Variants in CACNB2 observed in about 807,000 individuals in gnomAD.
CACNB2 encodes calcium voltage-gated channel auxiliary subunit beta 2.
CACNB2 carries 42 observed loss-of-function variants against 73.3 expected under a neutral mutation model. The observed-to-expected ratio is 0.57, with a 90% confidence interval of 0.45 to 0.74. CACNB2 has a LOEUF of 0.74. CACNB2 is among the 30% of genes least tolerant of loss of function. The probability of loss-of-function intolerance (pLI) is 0.00; values close to 1 mark genes in which losing one functional copy is unlikely to be tolerated. For missense variants in CACNB2, 940 were observed against 853.0 expected (o/e 1.10, Z -1.27); for synonymous variants, 348 against 310.3 (o/e 1.12, Z -1.28).
At chr10:18,478,351 T>C (rs1249095496) in intron 3 of CACNB2, among the ~76,000 whole-genome samples, 1 of 152,246 alleles carries the variant, frequency 6.6e-6, no homozygotes, top group Non-Finnish European at 1.5e-5. Context: ...CTTATATGTT[T>C]TGTGATTTTC....
chr10:18,525,042 A>AC (rs1372046781), intron 9 of CACNB2, among the ~76,000 whole-genome samples: 1 of 151,386 alleles, frequency 6.6e-6, no homozygotes, highest in South Asian at 2.1e-4. Flanking sequence ...AAAAAAAAAA[A>AC]AAAAAAACAC....
chr10:18,434,366 C>G (rs968628497), intron 3 of CACNB2, among the ~76,000 whole-genome samples: 1 of 151,964 alleles, frequency 6.6e-6, no homozygotes, highest in Non-Finnish European at 1.5e-5. Flanking sequence ...GGAATAAAGT[C>G]AGAGAAACCT....
intron 2 of CACNB2, among the ~76,000 whole-genome samples, chr10:18,365,368 C>T (rs2042306080): frequency 6.6e-6 from 1 of 152,144 alleles, no homozygotes; most frequent in South Asian, 2.1e-4. Context: ...TTCAACCTTT[C>T]TTCATCCATA....
At chr10:18,534,263 AC>A in intron 11 of CACNB2, 36 bp downstream of exon 11, 2 of 1,557,196 alleles carry the variant, frequency 1.3e-6, no homozygotes, top group South Asian at 2.2e-5. Flanking sequence ...CTATAATCAA[AC>A]TTTCCTAAAA....
In CACNB2 at chr10:18,327,369, T is replaced by G. The variant is rs184588472; in HGVS notation, c.214-74555T>G. ...TATCAGATATACCTAAATGCTCTTTTGTAGAAATATGCACATCTGGAAATC... is the reference window on the plus strand; with the variant it reads ...TATCAGATATACCTAAATGCTCTTTGGTAGAAATATGCACATCTGGAAATC... On this transcript the variant is annotated intron_variant, in intron 2 of 13. Coordinates refer to ENST00000324631, the MANE Select transcript of CACNB2 (RefSeq NM_201596.3). 1.2e-4 allele frequency among the ~76,000 whole-genome samples: 19 copies of G among 152,330 alleles called. No homozygotes were observed. The East Asian group carries it at 3.7e-3, about 29-fold the overall frequency.
At chr10:18,468,354 G>A (rs181346482) in intron 3 of CACNB2, among the ~76,000 whole-genome samples, 33 of 152,192 alleles carry the variant, frequency 2.2e-4, no homozygotes, top group Admixed American at 1.2e-3. Flanking sequence ...TCAGCTACTT[G>A]GGAGGCTGAG....
intron 2 of CACNB2, among the ~76,000 whole-genome samples, chr10:18,385,657 A>G (rs1009633878): frequency 2.6e-5 from 4 of 151,848 alleles, no homozygotes; most frequent in Admixed American, 2.6e-4. Context: ...AAAAAAAAAA[A>G]AAAATTTATT....
chr10:18,369,642 C>G (rs1259418937), intron 2 of CACNB2, among the ~76,000 whole-genome samples: 1 of 152,192 alleles, frequency 6.6e-6, no homozygotes, highest in Non-Finnish European at 1.5e-5. Context: ...CATGGGGTTT[C>G]ACACCTGTAA....
intron 2 of CACNB2, among the ~76,000 whole-genome samples, chr10:18,373,930 C>A (rs1184301916): frequency 6.6e-6 from 1 of 152,106 alleles, no homozygotes; most frequent in Non-Finnish European, 1.5e-5. Flanking sequence ...GGGAGGAAAT[C>A]TTGAAGACTT....
At chr10:18,470,405 C>T (rs2048120629) in intron 3 of CACNB2, among the ~76,000 whole-genome samples, 1 of 148,874 alleles carries the variant, frequency 6.7e-6, no homozygotes, top group Admixed American at 6.7e-5. Flanking sequence ...GCATGTGTTA[C>T]ATATAGTATA....
chr10:18,380,832 G>A (rs1266924416), intron 2 of CACNB2, among the ~76,000 whole-genome samples: 4 of 152,214 alleles, frequency 2.6e-5, no homozygotes, highest in African/African-American at 9.6e-5. Context: ...TTAAAGAAAA[G>A]ATGAATAGGA....
chr10:18,350,094 A>ATTAG (rs2132129080), intron 2 of CACNB2, among the ~76,000 whole-genome samples: 1 of 152,136 alleles, frequency 6.6e-6, no homozygotes, highest in Admixed American at 6.5e-5. Flanking sequence ...AAATACAAAA[A>ATTAG]ATTAGCCAGG....
intron 4 of CACNB2, chr10:18,498,685 C>A: frequency 1.8e-6 from 1 of 557,686 alleles, no homozygotes; most frequent in Non-Finnish European, 3.2e-6. Context: ...CTTGCAATAA[C>A]TTCAGCGCTC....
chr10:18,351,673 A>G (rs566511526), intron 2 of CACNB2, among the ~76,000 whole-genome samples: 1 of 152,330 alleles, frequency 6.6e-6, no homozygotes, highest in South Asian at 2.1e-4. Flanking sequence ...CTCTGCCCTT[A>G]ATCTGGAACA....
intron 2 of CACNB2, among the ~76,000 whole-genome samples, chr10:18,228,757 G>A (rs1433448298): frequency 6.6e-6 from 1 of 150,550 alleles, no homozygotes. Context: ...TTTTTCTTTT[G>A]AGACAGAGTT....
At chr10:18,267,195 ATTT>A (rs11335257) in intron 2 of CACNB2, among the ~76,000 whole-genome samples, 1 of 151,312 alleles carries the variant, frequency 6.6e-6, no homozygotes, top group Admixed American at 6.6e-5. Context: ...TTGGAACTGC[ATTT>A]TTTTTTTATT....
chr10:18,323,780 C>A (rs1329185170), intron 2 of CACNB2, among the ~76,000 whole-genome samples: 1 of 152,150 alleles, frequency 6.6e-6, no homozygotes, highest in Non-Finnish European at 1.5e-5. Flanking sequence ...AGTTGGAAAG[C>A]TTTATGTTGT....
chr10:18,331,653 T>C (rs2040812602), intron 2 of CACNB2, among the ~76,000 whole-genome samples: 1 of 152,102 alleles, frequency 6.6e-6, no homozygotes, highest in Admixed American at 6.6e-5. Context: ...ACTAAGTCAC[T>C]AGCCTCCCTC....
chr10:18,146,166 A>G (rs761097613), intron 1 of CACNB2, among the ~76,000 whole-genome samples: 1 of 152,150 alleles, frequency 6.6e-6, no homozygotes, highest in Non-Finnish European at 1.5e-5. Context: ...ACACTAAGCT[A>G]TTGGTAAATG....
Sources: allele counts gnomAD v4.1 joint callset (sites outside exome capture counted in the v4.1 genomes callset), GRCh38; gene constraint gnomAD v4.1.1; transcripts MANE v1.5; gene names NCBI Gene and HGNC (gene_info 2026-07-23, HGNC 2026-07-21).